The following CHST9 variants were observed in gnomAD, a reference collection of about 807,000 sequenced individuals.
CHST9 encodes carbohydrate sulfotransferase 9, also known as GalNAc-4-sulfotransferase 2.
Under a neutral mutation model 44.4 loss-of-function variants are expected in CHST9, and 41 were observed. The ratio of observed to expected loss-of-function variants is 0.92; its 90% CI spans 0.72 to 1.20. The LOEUF is 1.20. Among genes scored for constraint, CHST9 ranks in the 50% most tolerant of loss-of-function variants. The pLI is 0.00. For synonymous variants in CHST9, 171 were observed against 178.4 expected, an observed-to-expected ratio of 0.96 and a Z score of 0.33; for missense variants, 504 against 516.5, an observed-to-expected ratio of 0.98 and a Z score of 0.23.
intron 4 of CHST9, among the ~76,000 whole-genome samples, chr18:27,018,176 A>C (rs975662937): frequency 4.2e-4 from 64 of 152,238 alleles, no homozygotes; most frequent in African/African-American, 1.4e-3. Context: ...ACAAGGCCCC[A>C]AAAATTGACT....
intron 2 of CHST9, among the ~76,000 whole-genome samples, chr18:27,076,609 T>C (rs774381864): frequency 3.0e-4 from 45 of 152,298 alleles, no homozygotes; most frequent in Non-Finnish European, 5.9e-4. Context: ...TTTTCATTAG[T>C]GTATACCCGA....
At chr18:27,163,763 G>A (rs904440994) in intron 1 of CHST9, among the ~76,000 whole-genome samples, 9 of 152,146 alleles carry the variant, frequency 5.9e-5, no homozygotes, top group Non-Finnish European at 1.0e-4. Context: ...TGCACTTCCC[G>A]GGTGAGGCCA....
intron 1 of CHST9, among the ~76,000 whole-genome samples, chr18:27,155,928 C>T (rs774748340): frequency 6.6e-6 from 1 of 151,850 alleles, no homozygotes; most frequent in Non-Finnish European, 1.5e-5. Flanking sequence ...ATGTTAGAAG[C>T]TTGGGGGATT....
At chr18:26,980,313 A>G (rs1246688180) in intron 4 of CHST9, among the ~76,000 whole-genome samples, 1 of 152,214 alleles carries the variant, frequency 6.6e-6, no homozygotes, top group Non-Finnish European at 1.5e-5. Context: ...GAAGTGTAAC[A>G]GATTCACAAT....
At chr18:27,096,442 C>T (rs367827449) in intron 2 of CHST9, among the ~76,000 whole-genome samples, 1 of 151,404 alleles carries the variant, frequency 6.6e-6, no homozygotes, top group African/African-American at 2.4e-5. Context: ...TGGAGTGGAC[C>T]TAATGAAATT....
chr18:27,018,281 A>G (rs1441629985), intron 4 of CHST9, among the ~76,000 whole-genome samples: 2 of 152,234 alleles, frequency 1.3e-5, no homozygotes, highest in Non-Finnish European at 2.9e-5. Context: ...AACCTCAATG[A>G]GAAGGAGAAA....
intron 4 of CHST9, among the ~76,000 whole-genome samples, chr18:26,966,543 A>G (rs1207633463): frequency 6.6e-6 from 1 of 152,220 alleles, no homozygotes; most frequent in African/African-American, 2.4e-5. Context: ...TCTTTGATGA[A>G]ATGATGATAC....
chr18:27,124,342 G>A (rs1043902352), intron 2 of CHST9, among the ~76,000 whole-genome samples: 58 of 152,108 alleles, frequency 3.8e-4, no homozygotes, highest in Non-Finnish European at 1.2e-4. Flanking sequence ...AGATACAGAG[G>A]GAAAAAGCTG....
chr18:27,053,521 T>C (rs2057614012), intron 2 of CHST9, among the ~76,000 whole-genome samples: 1 of 152,158 alleles, frequency 6.6e-6, no homozygotes, highest in Admixed American at 6.5e-5. Context: ...TTCTCCTTTC[T>C]CACTGCCATC....
At chr18:26,944,178 G>A (rs1388706880) in intron 5 of CHST9, 151 bp downstream of exon 5, 1 of 642,092 alleles carries the variant, frequency 1.6e-6, no homozygotes, top group Non-Finnish European at 2.7e-6. Flanking sequence ...ATCTACATAT[G>A]ACCAAATATG....
intron 1 of CHST9, among the ~76,000 whole-genome samples, chr18:27,174,241 C>A (rs1008539313): frequency 6.6e-6 from 1 of 151,784 alleles, no homozygotes; most frequent in East Asian, 1.9e-4. Context: ...CTCCTTTAAT[C>A]CTGAACAATA....
At chr18:27,168,170 G>C (rs1248152239) in intron 1 of CHST9, among the ~76,000 whole-genome samples, 1 of 151,762 alleles carries the variant, frequency 6.6e-6, no homozygotes, top group East Asian at 1.9e-4. Flanking sequence ...CGCCTCCCGG[G>C]TTCATGCCAT....
At chr18:27,178,049 A>T (rs77350206) in intron 1 of CHST9, among the ~76,000 whole-genome samples, 19 of 152,132 alleles carry the variant, frequency 1.2e-4, no homozygotes, top group African/African-American at 4.6e-4. Context: ...ACAAAAGTAG[A>T]CCGAATAAAG....
At chr18:26,979,581 A>G (rs906775292) in intron 4 of CHST9, among the ~76,000 whole-genome samples, 1 of 151,770 alleles carries the variant, frequency 6.6e-6, no homozygotes, top group African/African-American at 2.4e-5. Flanking sequence ...CTGCATTCTA[A>G]TGACATGTTT....
At chr18:27,051,216 C>A (rs1325539794) in intron 2 of CHST9, among the ~76,000 whole-genome samples, 1 of 150,842 alleles carries the variant, frequency 6.6e-6, no homozygotes. Context: ...AGTTTCAGAC[C>A]AGCCTGTGCA....
At chr18:26,974,808 G>A (rs1466045802) in intron 4 of CHST9, among the ~76,000 whole-genome samples, 1 of 152,004 alleles carries the variant, frequency 6.6e-6, no homozygotes, top group African/African-American at 2.4e-5. Flanking sequence ...CGAGGAGCTG[G>A]GATTACAGGC....
chr18:27,053,962 T>C (rs1263050267), intron 2 of CHST9, among the ~76,000 whole-genome samples: 1 of 152,200 alleles, frequency 6.6e-6, no homozygotes, highest in Non-Finnish European at 1.5e-5. Context: ...CTGTAACCTT[T>C]CATTTACTCC....
At chr18:27,094,725 C>G (rs2058100796) in intron 2 of CHST9, among the ~76,000 whole-genome samples, 1 of 152,054 alleles carries the variant, frequency 6.6e-6, no homozygotes. Context: ...TCCAATTAAC[C>G]CTCATGGCAA....
Position 26,974,129 on chromosome 18 carries a change from A to C in CHST9, c.203-29763T>G, listed in dbSNP as rs556686317. ...CAATCTGAAGTATGGCATTTGAACT[A>C]TGACCTATAACAACTCAGGGAGATG... On this transcript the variant is annotated intron_variant, in intron 4 of 5. Transcript: ENST00000618847. Among the ~76,000 whole-genome samples the C allele has an allele frequency of 7.9e-5, 12 of 152,372 alleles. 1 individual carries two copies. The highest frequency in any genetic ancestry group is 2.6e-4 in the African/African-American group (11 of 41,592).
Sources: allele counts gnomAD v4.1 joint callset (sites outside exome capture counted in the v4.1 genomes callset), GRCh38; gene constraint gnomAD v4.1.1; transcripts MANE v1.5; gene names NCBI Gene and HGNC (gene_info 2026-07-23, HGNC 2026-07-21).